Variants in GDA observed in about 807,000 individuals in gnomAD.
The protein encoded by GDA is cytoplasmic PSD-95 interactor.
A neutral mutation model predicts 59.6 loss-of-function variants in GDA; 18 were observed. That is an observed-to-expected ratio of 0.30 (90% CI 0.21 to 0.45). The LOEUF (loss-of-function observed/expected upper bound fraction) is 0.45. Among genes scored for constraint, GDA ranks in the 20% least tolerant of loss-of-function variants. The pLI is 1.00. For missense variants in GDA, 427 were observed against 552.3 expected (o/e 0.77, Z 2.27); for synonymous variants, 201 against 201.1 (o/e 1.00, Z 0.00).
At chr9:72,140,976 T>C (rs1424197455) in intron 1 of GDA, among the ~76,000 whole-genome samples, 2 of 152,210 alleles carry the variant, frequency 1.3e-5, no homozygotes, top group Non-Finnish European at 2.9e-5. Flanking sequence ...TGTCTGAACT[T>C]ACACATGCTC....
rs1840411011 is a variant in GDA, at chr9:72,248,777, A to C, written c.*435A>C. ...GAGTATATTTTTATGAGGGAGCAAA[A>C]GTTAGACTGAGAACAAACGTTAGAA... On this transcript the variant is annotated 3_prime_UTR_variant, in exon 14 of 14. Coordinates refer to ENST00000358399, the MANE Select transcript of GDA (RefSeq NM_004293.5). 6.0e-6 allele frequency: 6 copies of C among 992,526 alleles called. No individual in the cohort carries two copies. The highest frequency in any genetic ancestry group is 7.2e-6 in the Non-Finnish European group (6 of 833,528). 61.5% of individuals were successfully genotyped at this position (992,526 alleles called of 1,614,324 possible).
upstream of GDA, among the ~76,000 whole-genome samples, chr9:72,147,847 A>ACAG (rs2130677200): frequency 6.6e-6 from 1 of 152,176 alleles, no homozygotes; most frequent in African/African-American, 2.4e-5. Context: ...GAATCAGGAG[A>ACAG]AAGTGACAAG....
At chr9:72,134,478 T>G (rs1397194668) in intron 1 of GDA, among the ~76,000 whole-genome samples, 1 of 151,220 alleles carries the variant, frequency 6.6e-6, no homozygotes, top group Non-Finnish European at 1.5e-5. Flanking sequence ...CTCGGCTCAC[T>G]GCAACCTCTG....
At chr9:72,149,972 G>A (rs570009879) in intron 1 of GDA, among the ~76,000 whole-genome samples, 16 of 151,754 alleles carry the variant, frequency 1.1e-4, no homozygotes, top group Non-Finnish European at 2.1e-4. Flanking sequence ...GTCACCCCCC[G>A]CTCCCCCGCC....
rs1284959815 is a variant in GDA, at chr9:72,230,998, A to G, written c.921-116A>G. ...TGACTAATATGTTTGTGTCAACATT[A>G]GAGCCGATATATTGGGAAGCACAAT... On this transcript the variant is annotated intron_variant, in intron 9 of 13. Transcript: ENST00000358399. The G allele has an allele frequency of 1.1e-5, 8 of 736,102 alleles. No homozygotes were observed. The East Asian group carries it at 2.0e-4, about 19-fold the overall frequency. The allele number at this position is 736,102 out of a possible 1,614,324, so 45.6% of individuals were successfully genotyped here. A position where few individuals can be genotyped will look rare whatever the true frequency, so the allele number is the denominator to read the frequency against.
At chr9:72,213,231 G>A (rs1835612050) in intron 4 of GDA, among the ~76,000 whole-genome samples, 1 of 152,154 alleles carries the variant, frequency 6.6e-6, no homozygotes, top group African/African-American at 2.4e-5. Context: ...TCACGCCACT[G>A]CACTCCAGGC....
intron 1 of GDA, among the ~76,000 whole-genome samples, chr9:72,159,370 G>A (rs1406567507): frequency 6.6e-6 from 1 of 151,992 alleles, no homozygotes; most frequent in Non-Finnish European, 1.5e-5. Flanking sequence ...CTCCAGCCTG[G>A]GTGACAGAGT....
At chr9:72,254,242 A>G (rs889311467), downstream of GDA, among the ~76,000 whole-genome samples, 2 of 152,180 alleles carry the variant, frequency 1.3e-5, no homozygotes, top group South Asian at 2.1e-4. Flanking sequence ...CTAACCTACT[A>G]CCACATCATT....
chr9:72,210,475 C>T lies in GDA; in HGVS notation c.385-212C>T, dbSNP rs377591689. Among the ~76,000 whole-genome samples the T allele has an allele frequency of 6.1e-4, 93 of 152,104 alleles. No homozygotes were observed. The South Asian group carries it at 0.015, about 25-fold the overall frequency. On this transcript the variant is annotated intron_variant, in intron 3 of 13. Transcript: ENST00000358399. ...TTCTGAAGCACAGAACTGTGTGAAT[C>T]GAGAAAAAATCAGAAGTATCAGCTT...
chr9:72,250,161 A>C lies in GDA; in HGVS notation c.*1819A>C, dbSNP rs2208744. The C allele has an allele frequency of 0.48, 472,705 of 983,458 alleles. 114,181 individuals are homozygous for C. The highest frequency in any genetic ancestry group is 0.55 in the East Asian group (4,806 of 8,794). 60.9% of individuals were successfully genotyped at this position (983,458 alleles called of 1,614,324 possible). On this transcript the variant is annotated 3_prime_UTR_variant, in exon 14 of 14. Transcript: ENST00000358399. ...GCTAGCAAAAATCTTCAGCTTTATC[A>C]CTCAACCCCTGCCAAAGGAACTTGA...
At chr9:72,198,658 T>C (rs1194179040) in intron 2 of GDA, among the ~76,000 whole-genome samples, 1 of 151,490 alleles carries the variant, frequency 6.6e-6, no homozygotes, top group East Asian at 1.9e-4. Flanking sequence ...CACTTTCAAA[T>C]AACATGGATT....
intron 1 of GDA, among the ~76,000 whole-genome samples, chr9:72,157,048 T>C (rs1827983753): frequency 6.9e-6 from 1 of 145,020 alleles, no homozygotes; most frequent in African/African-American, 2.6e-5. Context: ...TTTTTTTTTT[T>C]TTTTTTTTGA....
At chr9:72,159,381 G>C (rs1388009230) in intron 1 of GDA, among the ~76,000 whole-genome samples, 1 of 151,938 alleles carries the variant, frequency 6.6e-6, no homozygotes, top group East Asian at 1.9e-4. Flanking sequence ...GTGACAGAGT[G>C]AGACTCCGTC....
chr9:72,210,752 T>C lies in GDA; in HGVS notation c.450T>C (p.Ser150=), dbSNP rs905885932. The C allele has an allele frequency of 1.9e-6, 3 of 1,609,788 alleles. No homozygotes were observed. Among genetic ancestry groups the C allele is most frequent in the Non-Finnish European group, 2.6e-6 (3 of 1,176,094 alleles). ...CYFATIHTDS[S]LLLADITDKF... Reference sequence around the variant, plus strand: ...TTGCAACAATTCACACTGACTCATCTCTGCTCCTTGCCGACATTACAGGTG... The same window carrying C: ...TTGCAACAATTCACACTGACTCATCCCTGCTCCTTGCCGACATTACAGGTG... The change falls in exon 4 of 14, where the codon TCT becomes TCC. Residue 150 remains serine (S), a synonymous_variant. Coordinates refer to ENST00000358399, the MANE Select transcript of GDA (RefSeq NM_004293.5).
At position 72,181,768 on chromosome 9, in the gene GDA, G is replaced by A. The variant is rs145585740; in HGVS notation, c.124-13732G>A. ...AATCCTCACATTTCAGCCTCCCAAA[G>A]TGTGGGATTACAGGTGTAAGCCACT... On this transcript the variant is annotated intron_variant, in intron 1 of 13. Coordinates refer to ENST00000358399, the MANE Select transcript of GDA (RefSeq NM_004293.5). Among the ~76,000 whole-genome samples, 1,355 of 152,122 alleles carry A rather than the reference G, an allele frequency of 8.9e-3. 21 individuals are homozygous for A. The highest frequency in any genetic ancestry group is 0.031 in the African/African-American group (1,285 of 41,482).
At chr9:72,238,807 ACAGTTTC>A (rs1423845209) in intron 10 of GDA, among the ~76,000 whole-genome samples, 2 of 152,176 alleles carry the variant, frequency 1.3e-5, no homozygotes, top group Non-Finnish European at 2.9e-5. Flanking sequence ...CCTCCTCCAC[ACAGTTTC>A]CACCCTTTGG....
intron 1 of GDA, among the ~76,000 whole-genome samples, chr9:72,167,726 T>G (rs1829487705): frequency 6.6e-6 from 1 of 152,186 alleles, no homozygotes; most frequent in African/African-American, 2.4e-5. Flanking sequence ...AGCAGCACAT[T>G]GGTGTGCTAA....
chr9:72,159,525 G>A (rs952047739), intron 1 of GDA, among the ~76,000 whole-genome samples: 5 of 151,838 alleles, frequency 3.3e-5, no homozygotes, highest in African/African-American at 9.7e-5. Flanking sequence ...AAAAATTGAA[G>A]GCCAAAGCAA....
chr9:72,157,005 G>C (rs552854428), intron 1 of GDA, among the ~76,000 whole-genome samples: 58 of 140,292 alleles, frequency 4.1e-4, no homozygotes, highest in African/African-American at 1.4e-3. Flanking sequence ...ACCTGGAACT[G>C]TCTACTATCA....
Sources: allele counts gnomAD v4.1 joint callset (sites outside exome capture counted in the v4.1 genomes callset), GRCh38; gene constraint gnomAD v4.1.1; transcripts MANE v1.5; gene names NCBI Gene and HGNC (gene_info 2026-07-23, HGNC 2026-07-21).